The following HDAC6 variants were observed in gnomAD, a reference collection of about 807,000 sequenced individuals.
The protein encoded by HDAC6 is protein deacetylase HDAC6.
Under a neutral mutation model 88.9 loss-of-function variants are expected in HDAC6, and 5 were observed. The observed-to-expected ratio is 0.06, with a 90% confidence interval of 0.03 to 0.12. The LOEUF (loss-of-function observed/expected upper bound fraction) is 0.12, where lower values mean the gene tolerates loss of function less well. Ranked by LOEUF, HDAC6 falls within the 10% of genes least tolerant of loss-of-function variation. The pLI, the probability that HDAC6 is intolerant of heterozygous loss-of-function variation, is 1.00. For missense variants in HDAC6, 706 were observed against 1,014.4 expected (o/e 0.70, Z 4.13); for synonymous variants, 378 against 398.0 (o/e 0.95, Z 0.60).
intron 7 of HDAC6, 38 bp downstream of exon 7, chrX:48,806,502 A>T (rs782120699): frequency 1.6e-5 from 17 of 1,086,751 alleles, no homozygotes; most frequent in Non-Finnish European, 1.9e-5. Flanking sequence ...AATGGTGGCA[A>T]TCTTGGGGTC....
chrX:48,823,115 A>G lies in HDAC6; in HGVS notation c.2716A>G (p.Thr906Ala), dbSNP rs377440667. The G allele has an allele frequency of 1.7e-6, 2 of 1,208,179 alleles. No homozygotes were observed. Among genetic ancestry groups the G allele is most frequent in the African/African-American group, 3.5e-5 (2 of 57,101 alleles). The change falls in exon 25 of 29, where the codon ACT (threonine) becomes GCT (alanine). Residue 906 changes from threonine (T) to alanine (A), a missense_variant. Thr to Ala is a moderately conservative substitution (Grantham distance 58). Coordinates refer to ENST00000334136, the MANE Select transcript of HDAC6 (RefSeq NM_006044.4). Reference protein sequence around the residue: ...TNSETAVVALTQDQPSEAATG... With the variant: ...TNSETAVVALAQDQPSEAATG... Reference sequence around the variant, plus strand: ...CTCAGAGACAGCTGTGGTGGCCCTCACTCAGGACCAGCCCTCAGAGGCAGC... The same window carrying G: ...CTCAGAGACAGCTGTGGTGGCCCTCGCTCAGGACCAGCCCTCAGAGGCAGC...
In HDAC6 at chrX:48,813,055, G is replaced by A. The variant is rs906990630; in HGVS notation, c.807-1385G>A. ...CCCAAGTAGCTAGGATTACAGGCAC[G>A]CGCCACCACGCCCAGCAAATTTTTT... On this transcript the variant is annotated intron_variant, in intron 10 of 28. Transcript: ENST00000334136. Among the ~76,000 whole-genome samples the A allele has an allele frequency of 2.4e-4, 27 of 111,472 alleles. No homozygotes were observed. The Admixed American group carries it at 2.5e-3, about 10-fold the overall frequency.
chrX:48,823,633 C>A (rs1557031200), intron 25 of HDAC6, 39 bp from the exon 26 acceptor site: 1 of 1,192,666 alleles, frequency 8.4e-7, no homozygotes, highest in Non-Finnish European at 1.1e-6. Flanking sequence ...GGGCAAGAAT[C>A]GGGCTTCTCT....
intron 4 of HDAC6, among the ~76,000 whole-genome samples, chrX:48,803,636 T>G (rs185742263): frequency 3.6e-5 from 4 of 111,975 alleles, no homozygotes; most frequent in African/African-American, 1.3e-4. Flanking sequence ...AACAGAAGGA[T>G]GAAACCTCCC....
intron 10 of HDAC6, among the ~76,000 whole-genome samples, chrX:48,810,411 C>G (rs1289826463): frequency 9.0e-6 from 1 of 111,030 alleles, no homozygotes; most frequent in African/African-American, 3.3e-5. Context: ...CCTTTTCACT[C>G]TGTTTAATAG....
chrX:48,815,692 T>C, intron 16 of HDAC6, 50 bp downstream of exon 16: 1 of 1,109,492 alleles, frequency 9.0e-7, no homozygotes, highest in Non-Finnish European at 1.2e-6. Flanking sequence ...GGATGAGCCC[T>C]GGGGGAGACT....
Position 48,820,596 on chromosome X carries a change from G to C in HDAC6, c.2337+341G>C, listed in dbSNP as rs781800091. Among the ~76,000 whole-genome samples the C allele has an allele frequency of 3.6e-5, 4 of 111,856 alleles. No homozygotes were observed. In the South Asian group the frequency reaches 1.1e-3, roughly 31 times the overall value. On this transcript the variant is annotated intron_variant, in intron 23 of 28. Transcript: ENST00000334136. ...ACTAGCCTGAGATGGCACATTTACT[G>C]ATGGCAGAACCAGGACTTGAACCCA...
intron 23 of HDAC6, among the ~76,000 whole-genome samples, chrX:48,822,291 G>A (rs1557030187): frequency 8.9e-6 from 1 of 112,174 alleles, no homozygotes. Context: ...TTGAGCGCCT[G>A]TGGTTGTGAG....
intron 10 of HDAC6, among the ~76,000 whole-genome samples, chrX:48,811,474 G>A (rs182008482): frequency 1.8e-5 from 2 of 112,210 alleles, no homozygotes; most frequent in Non-Finnish European, 1.9e-5. Context: ...CCCATTGTAG[G>A]GGGCTGTCAG....
rs2062982400 is a variant in HDAC6 at position 48,816,216 on chromosome X, C to T, written c.1569C>T (p.Cys523=). ...RLEELGLAGR[C]LTLTPRPATE... The stretch of plus-strand genomic sequence containing the variant: ...AGGAGCTGGGCCTTGCCGGGCGCTG[C>T]CTCACCCTGACACCGCGCCCTGCCA... Residue 523 remains cysteine (C), a synonymous_variant, in exon 18 of 29, where the codon TGC becomes TGT. Transcript: ENST00000334136. 1 of 1,209,753 alleles carries T rather than the reference C, an allele frequency of 8.3e-7. No individual in the cohort carries two copies. Among genetic ancestry groups the T allele is most frequent in the Non-Finnish European group, 1.1e-6 (1 of 895,127 alleles).
Position 48,808,064 on chromosome X carries a change from A to G in HDAC6, c.664A>G (p.Met222Val), listed in dbSNP as rs375393863. Residue 222 changes from methionine to valine, a missense_variant, in exon 9 of 29, where the codon ATG becomes GTG. Physicochemically the swap from Met to Val is conservative, Grantham distance 21. Around this residue, in one of 9 missense-constraint regions of HDAC6, gnomAD observed 193 missense variants for 258.2 expected, o/e 0.75. Coordinates refer to ENST00000334136, the MANE Select transcript of HDAC6 (RefSeq NM_006044.4). ...TGGACATCACGCCCAGCACAGTCTTATGGATGGCTATTGCATGTTCAACCA... is the reference window on the plus strand; with the variant it reads ...TGGACATCACGCCCAGCACAGTCTTGTGGATGGCTATTGCATGTTCAACCA... The part of the protein sequence containing the change: ...PPGHHAQHSL[M>V]DGYCMFNHVA... 1 of 1,207,565 alleles carries G rather than the reference A, an allele frequency of 8.3e-7. No homozygotes were observed. Among genetic ancestry groups the G allele is most frequent in the Non-Finnish European group, 1.1e-6 (1 of 893,054 alleles).
intron 10 of HDAC6, among the ~76,000 whole-genome samples, chrX:48,809,166 C>CT (rs1277452441): frequency 9.0e-6 from 1 of 111,671 alleles, no homozygotes; most frequent in Admixed American, 9.5e-5. Flanking sequence ...TTCTCTGAGT[C>CT]TATCTGTAGG....
intron 16 of HDAC6, 75 bp from the exon 17 acceptor site, chrX:48,815,809 T>G: frequency 7.2e-6 from 8 of 1,118,775 alleles, no homozygotes; most frequent in Non-Finnish European, 9.7e-6. Context: ...TTTTTCTGTT[T>G]GGGTCACCTG....
chrX:48,806,582 C>T (rs904936269), intron 7 of HDAC6, 27 bp from the exon 8 acceptor site: 1 of 1,136,306 alleles, frequency 8.8e-7, no homozygotes, highest in Non-Finnish European at 1.2e-6. Flanking sequence ...CCCTTACTCC[C>T]TTTCTGGCTC....
intron 10 of HDAC6, among the ~76,000 whole-genome samples, chrX:48,810,274 A>C (rs1480245886): frequency 9.1e-6 from 1 of 109,932 alleles, no homozygotes; most frequent in East Asian, 2.8e-4. Flanking sequence ...ACAGGGTCTC[A>C]CTATATTGCC....
At chrX:48,815,814 C>A in intron 16 of HDAC6, 70 bp from the exon 17 acceptor site, 2 of 1,128,471 alleles carry the variant, frequency 1.8e-6, no homozygotes, top group Non-Finnish European at 2.4e-6. Context: ...CTGTTTGGGT[C>A]ACCTGAGTTC....
intron 4 of HDAC6, 163 bp downstream of exon 4, chrX:48,803,379 AC>A: frequency 2.2e-6 from 1 of 447,274 alleles, no homozygotes; most frequent in Non-Finnish European, 3.9e-6. Flanking sequence ...TAGCTAACAA[AC>A]ATTTATTGAG....
Position 48,824,011 on chromosome X carries a change from A to G in HDAC6, c.3393A>G (p.Gln1131=), listed in dbSNP as rs782786675. The change falls in exon 27 of 29, where the codon CAA becomes CAG. Residue 1131 remains glutamine (Q), a synonymous_variant. Transcript: ENST00000334136. ...CTGCAGCAGGCCTAGACGTGACCCAACCTTGTGGGGACTGTGGAACAATCC... is the reference window on the plus strand; with the variant it reads ...CTGCAGCAGGCCTAGACGTGACCCAGCCTTGTGGGGACTGTGGAACAATCC... ...PIPAAGLDVT[Q]PCGDCGTIQE... 2.5e-6 allele frequency: 3 copies of G among 1,209,184 alleles called. No individual in the cohort carries two copies. Among genetic ancestry groups the G allele is most frequent in the Admixed American group, 2.2e-5 (1 of 45,710 alleles).
chrX:48,818,168 G>T (rs2063020816), intron 21 of HDAC6, 52 bp from the exon 22 acceptor site: 1 of 1,169,575 alleles, frequency 8.6e-7, no homozygotes, highest in Non-Finnish European at 1.1e-6. Flanking sequence ...CACCTCAGGG[G>T]TACTGGAGCC....
Sources: gnomAD v4.1 joint callset for allele counts (sites outside exome capture counted in the v4.1 genomes callset) on GRCh38, gnomAD v4.1.1 for gene constraint, gnomAD v4.1.1 regional missense constraint, MANE v1.5 for transcripts, NCBI Gene and HGNC (gene_info 2026-07-23, HGNC 2026-07-21) for gene names.